The following ITPRID1 variants were observed in gnomAD, a reference collection of about 807,000 sequenced individuals.
ITPRID1 encodes protein ITPRID1.
ITPRID1 carries 96 observed loss-of-function variants against 95.4 expected under a neutral mutation model. That is an observed-to-expected ratio of 1.01 (90% CI 0.85 to 1.19). The LOEUF (loss-of-function observed/expected upper bound fraction) is 1.19, where lower values mean the gene tolerates loss of function less well. Ranked by LOEUF, ITPRID1 falls within the 50% of genes most tolerant of loss-of-function variation. The pLI, the probability that ITPRID1 is intolerant of heterozygous loss-of-function variation, is 0.00. For missense variants in ITPRID1, 1,339 were observed against 1,252.9 expected (o/e 1.07, Z -1.04); for synonymous variants, 510 against 453.6 (o/e 1.12, Z -1.58).
At chr7:31,647,284 C>T (rs1790547989) in intron 12 of ITPRID1, among the ~76,000 whole-genome samples, 1 of 152,040 alleles carries the variant, frequency 6.6e-6, no homozygotes, top group Non-Finnish European at 1.5e-5. Context: ...CTAGACAGGG[C>T]TAGAAAAAAT....
intron 10 of ITPRID1, among the ~76,000 whole-genome samples, chr7:31,598,693 G>T (rs748767965): frequency 1.3e-5 from 2 of 151,972 alleles, no homozygotes; most frequent in African/African-American, 4.8e-5. Context: ...GTGAGCCACC[G>T]CGCTCGGTCT....
chr7:31,630,228 A>T (rs1396559304), intron 10 of ITPRID1, among the ~76,000 whole-genome samples: 3 of 144,016 alleles, frequency 2.1e-5, no homozygotes, highest in African/African-American at 7.7e-5. Flanking sequence ...AATCAAAGAA[A>T]ATAGAGTCTA....
rs267601484 is a variant in ITPRID1, at chr7:31,578,065, G to A, written c.801G>A (p.Arg267=). ...GAGCTTCCAAACAGAACATCAGGCG[G>A]GATTGTAACCCAGAGGTATCAGAGT... ...LRRASKQNIR[R]DCNPEVSESF... The change falls in exon 9 of 15, where the codon CGG becomes CGA. Residue 267 remains arginine (R), a synonymous_variant. Transcript: ENST00000615280. 1 of 1,613,850 alleles carries A rather than the reference G, an allele frequency of 6.2e-7. No homozygotes were observed. The highest frequency in any genetic ancestry group is 8.5e-7 in the Non-Finnish European group (1 of 1,179,860).
At chr7:31,525,335 G>T (rs979242309) in intron 1 of ITPRID1, among the ~76,000 whole-genome samples, 4 of 152,128 alleles carry the variant, frequency 2.6e-5, no homozygotes, top group Non-Finnish European at 4.4e-5. Context: ...TGATGTTTGG[G>T]TTAAAAAATT....
chr7:31,562,797 C>T (rs1204590491), intron 5 of ITPRID1, among the ~76,000 whole-genome samples: 2 of 152,120 alleles, frequency 1.3e-5, no homozygotes, highest in Admixed American at 1.3e-4. Flanking sequence ...TCATCCTGTT[C>T]CTCCTGTCTT....
intron 10 of ITPRID1, among the ~76,000 whole-genome samples, chr7:31,630,244 C>CAA (rs71557496): frequency 0.3 from 30,818 of 103,272 alleles, 5,644 homozygotes; most frequent in Non-Finnish European, 0.32. Context: ...GTCTACTTGG[C>CAA]AAAAAAAAAA....
chr7:31,563,479 G>A lies in ITPRID1; in HGVS notation c.257-6279G>A, dbSNP rs146572659. Among the ~76,000 whole-genome samples the A allele has an allele frequency of 5.6e-3, 852 of 152,240 alleles. 6 individuals are homozygous for A. The highest frequency in any genetic ancestry group is 7.9e-3 in the Non-Finnish European group (540 of 68,022). On this transcript the variant is annotated intron_variant, in intron 5 of 14. Transcript: ENST00000615280. ...AAATGGAGAGGTAGTTGTACTTGTGGTCTGGGCTGAGCAGGATTTTGACAC... is the reference window on the plus strand; with the variant it reads ...AAATGGAGAGGTAGTTGTACTTGTGATCTGGGCTGAGCAGGATTTTGACAC...
intron 10 of ITPRID1, among the ~76,000 whole-genome samples, chr7:31,623,253 C>A (rs1367706440): frequency 1.6e-4 from 25 of 151,950 alleles, no homozygotes; most frequent in East Asian, 5.8e-4. Flanking sequence ...AACTCATTTT[C>A]TGAGGCCAGC....
Position 31,653,911 on chromosome 7 carries a change from G to A in ITPRID1, c.*1082G>A, listed in dbSNP as rs1739845678. ...GGGAAGGAGGATCCAGGCCTCAGAGGTACCAGACTGTCCAGTCAGGCAGCC... is the reference window on the plus strand; with the variant it reads ...GGGAAGGAGGATCCAGGCCTCAGAGATACCAGACTGTCCAGTCAGGCAGCC... On this transcript the variant is annotated 3_prime_UTR_variant, in exon 15 of 15. Coordinates refer to ENST00000615280, the MANE Select transcript of ITPRID1 (RefSeq NM_001257967.3). Among the ~76,000 whole-genome samples, 1 of 152,140 alleles carries A rather than the reference G, an allele frequency of 6.6e-6. No individual in the cohort carries two copies. Among genetic ancestry groups the A allele is most frequent in the Non-Finnish European group, 1.5e-5 (1 of 68,026 alleles).
chr7:31,600,251 T>G (rs1786335873), intron 10 of ITPRID1, among the ~76,000 whole-genome samples: 1 of 152,198 alleles, frequency 6.6e-6, no homozygotes, highest in Admixed American at 6.5e-5. Flanking sequence ...GCACATTGCT[T>G]TCTGGAAGGA....
intron 10 of ITPRID1, among the ~76,000 whole-genome samples, chr7:31,589,407 G>A (rs929172697): frequency 1.3e-5 from 2 of 152,028 alleles, no homozygotes; most frequent in African/African-American, 4.8e-5. Context: ...AACTGTGCGA[G>A]AAAAAAATAT....
intron 5 of ITPRID1, among the ~76,000 whole-genome samples, chr7:31,556,658 C>T (rs1562567021): frequency 6.6e-6 from 1 of 151,934 alleles, no homozygotes; most frequent in Non-Finnish European, 1.5e-5. Context: ...GCAAGGGTGA[C>T]AGGGAGAAAA....
At chr7:31,572,058 A>G in intron 6 of ITPRID1, 44 bp from the exon 7 acceptor site, 2 of 1,270,722 alleles carry the variant, frequency 1.6e-6, no homozygotes, top group South Asian at 2.5e-5. Flanking sequence ...CCAGGAGACT[A>G]TCTAAATCAA....
chr7:31,657,081 T>C (rs1791338410), downstream of ITPRID1, among the ~76,000 whole-genome samples: 1 of 10,648 alleles, frequency 9.4e-5, no homozygotes, highest in Non-Finnish European at 1.9e-4. Context: ...GTATCATATA[T>C]ATTTTATATA....
Position 31,642,198 on chromosome 7 carries a change from T to G in ITPRID1, c.1251T>G (p.Asn417Lys), listed in dbSNP as rs755151021. The stretch of plus-strand genomic sequence containing the variant: ...CAGGTGCCAGGGTGGACAGAGCAAA[T>G]AGCTGCCAGTCTGACAGCAGCGGGT... ...GTVGARVDRANSCQSDSSGFL... is the reference protein window; with the variant it reads ...GTVGARVDRAKSCQSDSSGFL... Residue 417 changes from asparagine to lysine, a missense_variant, in exon 11 of 15, where the codon AAT becomes AAG. Physicochemically the swap from Asn to Lys is moderately conservative, Grantham distance 94. Coordinates refer to ENST00000615280, the MANE Select transcript of ITPRID1 (RefSeq NM_001257967.3). 4 of 1,561,108 alleles carry G rather than the reference T, an allele frequency of 2.6e-6. No homozygotes were observed. The African/African-American group carries it at 5.4e-5, about 21-fold the overall frequency.
chr7:31,523,816 C>T (rs1171641185), intron 1 of ITPRID1, among the ~76,000 whole-genome samples: 2 of 152,178 alleles, frequency 1.3e-5, no homozygotes, highest in South Asian at 2.1e-4. Context: ...GTTAAGTGCT[C>T]TCAGACTGTT....
intron 1 of ITPRID1, chr7:31,529,845 G>GT (rs746629704): frequency 1.1e-4 from 175 of 1,527,866 alleles, no homozygotes; most frequent in Middle Eastern, 5.0e-4. Context: ...CTTATAATTT[G>GT]TTTTTTTTCT....
At chr7:31,581,278 T>G (rs555884331) in intron 9 of ITPRID1, among the ~76,000 whole-genome samples, 47 of 152,310 alleles carry the variant, frequency 3.1e-4, no homozygotes, top group African/African-American at 9.6e-4. Context: ...TTGGCAATGT[T>G]TGTCTCACTT....
chr7:31,645,906 TAAA>T lies in ITPRID1; in HGVS notation c.2583+1954_2583+1956del, dbSNP rs1201516511. ...GCTGTAAAACTCAGCTCTAAGAGAATAAACATTTACCCGATCACGTAGTTTGTA... is the reference window on the plus strand; with the variant it reads ...GCTGTAAAACTCAGCTCTAAGAGAATCATTTACCCGATCACGTAGTTTGTA... On this transcript the variant is annotated intron_variant, in intron 12 of 14. Coordinates refer to ENST00000615280, the MANE Select transcript of ITPRID1 (RefSeq NM_001257967.3). Among the ~76,000 whole-genome samples, 4 of 152,174 alleles carry T rather than the reference TAAA, an allele frequency of 2.6e-5. 1 individual carries two copies. The highest frequency in any genetic ancestry group is 9.6e-5 in the African/African-American group (4 of 41,512).
Sources: gnomAD v4.1 joint callset for allele counts (sites outside exome capture counted in the v4.1 genomes callset) on GRCh38, gnomAD v4.1.1 for gene constraint, MANE v1.5 for transcripts, NCBI Gene and HGNC (gene_info 2026-07-23, HGNC 2026-07-21) for gene names.